The following PAPPA variants were observed in gnomAD, a reference collection of about 807,000 sequenced individuals.
The protein encoded by PAPPA is pappalysin 1.
PAPPA carries 60 observed loss-of-function variants against 164.0 expected under a neutral mutation model. That is an observed-to-expected ratio of 0.37 (90% confidence interval 0.30 to 0.45). The LOEUF (loss-of-function observed/expected upper bound fraction) is 0.45. Among genes scored for constraint, PAPPA ranks in the 20% least tolerant of loss-of-function variants. The probability of loss-of-function intolerance (pLI) is 1.00; values close to 1 mark genes in which losing one functional copy is unlikely to be tolerated. For missense variants in PAPPA, 1,782 were observed against 2,087.3 expected, an observed-to-expected ratio of 0.85 and a Z score of 2.85; for synonymous variants, 875 against 814.1, an observed-to-expected ratio of 1.07 and a Z score of -1.27.
chr9:116,390,738 G>C (rs1005146646), intron 21 of PAPPA, among the ~76,000 whole-genome samples: 5 of 151,836 alleles, frequency 3.3e-5, no homozygotes, highest in Non-Finnish European at 7.4e-5. Flanking sequence ...TTTTCCTTAT[G>C]GATGAAGTAG....
At chr9:116,203,799 T>A (rs1385128200) in intron 2 of PAPPA, among the ~76,000 whole-genome samples, 2 of 152,116 alleles carry the variant, frequency 1.3e-5, no homozygotes, top group African/African-American at 2.4e-5. Context: ...TAAGCTGGAC[T>A]TTGCAGGGTT....
At chr9:116,266,052 T>C in intron 8 of PAPPA, 67 bp downstream of exon 8, 1 of 1,403,896 alleles carries the variant, frequency 7.1e-7, no homozygotes, top group Non-Finnish European at 9.8e-7. Flanking sequence ...GTTAGGGTGC[T>C]GAACAGAAGA....
intron 9 of PAPPA, among the ~76,000 whole-genome samples, chr9:116,299,128 AGC>A (rs1845547400): frequency 6.6e-6 from 1 of 152,198 alleles, no homozygotes. Flanking sequence ...GGACACTAAT[AGC>A]AACAGAAACT....
chr9:116,230,566 C>T (rs120623), intron 6 of PAPPA, among the ~76,000 whole-genome samples: 2 of 152,178 alleles, frequency 1.3e-5, no homozygotes, highest in African/African-American at 4.8e-5. Context: ...CTTTCTAGCT[C>T]TAATATTGCA....
intron 9 of PAPPA, among the ~76,000 whole-genome samples, chr9:116,295,767 A>T (rs1845498565): frequency 6.6e-6 from 1 of 152,142 alleles, no homozygotes; most frequent in Non-Finnish European, 1.5e-5. Context: ...TTACATGCTC[A>T]AACTATTTAT....
At chr9:116,346,163 G>A (rs1423595520) in intron 14 of PAPPA, among the ~76,000 whole-genome samples, 1 of 152,112 alleles carries the variant, frequency 6.6e-6, no homozygotes, top group Non-Finnish European at 1.5e-5. Flanking sequence ...CCAGATCAAC[G>A]TTTGGCATCT....
At chr9:116,300,835 C>T (rs1298462019) in intron 9 of PAPPA, among the ~76,000 whole-genome samples, 1 of 122,558 alleles carries the variant, frequency 8.2e-6, no homozygotes, top group Non-Finnish European at 1.9e-5. Flanking sequence ...AGCAAATCAA[C>T]CCATTAAAAG....
intron 10 of PAPPA, among the ~76,000 whole-genome samples, chr9:116,308,054 C>G (rs189877945): frequency 1.6e-3 from 239 of 152,332 alleles, no homozygotes; most frequent in Non-Finnish European, 2.6e-3. Flanking sequence ...GGGACCCACA[C>G]AGAACAGAAG....
At position 116,400,686 on chromosome 9, in the gene PAPPA, A is replaced by G. The variant is rs1239309734; in HGVS notation, c.*4070A>G. 1.3e-5 allele frequency: 2 copies of G among 152,338 alleles called. No homozygotes were observed. Among genetic ancestry groups the G allele is most frequent in the Non-Finnish European group, 2.9e-5 (2 of 68,034 alleles). 9.4% of individuals were successfully genotyped at this position (152,338 alleles called of 1,614,324 possible). Reference sequence around the variant, plus strand: ...ACAAATCAAACGAAGTAAACAAGAAACATAAAAACCAAATAGCAAATGAAT... The same window carrying G: ...ACAAATCAAACGAAGTAAACAAGAAGCATAAAAACCAAATAGCAAATGAAT... On this transcript the variant is annotated 3_prime_UTR_variant, in exon 22 of 22. Coordinates refer to ENST00000328252, the MANE Select transcript of PAPPA (RefSeq NM_002581.5).
chr9:116,287,313 A>G (rs1227007765), intron 9 of PAPPA: 1 of 152,204 alleles, frequency 6.6e-6, no homozygotes, highest in Non-Finnish European at 1.5e-5. Flanking sequence ...AGGAAGACCT[A>G]GTGAGGGTCC....
At chr9:116,157,926 G>A (rs1476334671) in intron 1 of PAPPA, among the ~76,000 whole-genome samples, 2 of 151,832 alleles carry the variant, frequency 1.3e-5, no homozygotes, top group East Asian at 3.9e-4. Context: ...TGAAAGAAAA[G>A]GAAAACAAAA....
intron 15 of PAPPA, among the ~76,000 whole-genome samples, chr9:116,348,552 A>AT (rs1247525649): frequency 6.6e-6 from 1 of 152,000 alleles, no homozygotes; most frequent in Non-Finnish European, 1.5e-5. Flanking sequence ...ATATAGGTAA[A>AT]TTTGTGTCAT....
chr9:116,192,392 G>T (rs767073860), intron 2 of PAPPA, among the ~76,000 whole-genome samples: 1 of 152,208 alleles, frequency 6.6e-6, no homozygotes, highest in Non-Finnish European at 1.5e-5. Flanking sequence ...CATGAGCAGA[G>T]AAAAGTTCAG....
chr9:116,335,179 A>C, intron 13 of PAPPA, 105 bp downstream of exon 13: 2 of 915,124 alleles, frequency 2.2e-6, no homozygotes, highest in South Asian at 3.0e-5. Flanking sequence ...AAGTCTGTGC[A>C]TTTCTCCCTT....
At chr9:116,296,784 T>C (rs1845514309) in intron 9 of PAPPA, among the ~76,000 whole-genome samples, 1 of 152,110 alleles carries the variant, frequency 6.6e-6, no homozygotes, top group Non-Finnish European at 1.5e-5. Flanking sequence ...GGAATGTGCA[T>C]GAAGAGGACA....
chr9:116,187,762 A>T lies in PAPPA; in HGVS notation c.1024A>T (p.Asn342Tyr). 1 of 1,614,246 alleles carries T rather than the reference A, an allele frequency of 6.2e-7. No homozygotes were observed. The highest frequency in any genetic ancestry group is 2.2e-5 in the East Asian group (1 of 44,880). ...CAACACAGAGGTCATTGCCAGCTAC[A>T]ATCAGCTCTCAAGTTTCCGCCAGCC... ...CDNTEVIASY[N>Y]QLSSFRQPKV... The change falls in exon 2 of 22, where the codon AAT becomes TAT. Residue 342 changes from asparagine (N) to tyrosine (Y), a missense_variant. Transcript: ENST00000328252. This position sits in a 1 kb window ranked among gnomAD's most constrained non-coding sequence, Gnocchi z 4.2.
At chr9:116,302,691 A>G (rs1180632155) in intron 9 of PAPPA, 66 bp from the exon 10 acceptor site, 4 of 1,355,638 alleles carry the variant, frequency 3.0e-6, no homozygotes, top group Non-Finnish European at 3.1e-6. Flanking sequence ...GCAGCTGCTG[A>G]TGATTGCTGA....
intron 13 of PAPPA, 129 bp downstream of exon 13, chr9:116,335,203 C>T (rs575540287): frequency 4.1e-6 from 3 of 737,574 alleles, no homozygotes; most frequent in African/African-American, 1.8e-5. Context: ...CATCCATCCT[C>T]TGGCCTCTGG....
At chr9:116,337,002 C>T (rs950358071) in intron 13 of PAPPA, among the ~76,000 whole-genome samples, 1 of 152,170 alleles carries the variant, frequency 6.6e-6, no homozygotes, top group Non-Finnish European at 1.5e-5. Context: ...TTTATTATTG[C>T]ACCTCTTCTG....
Sources: gnomAD v4.1 joint callset for allele counts (sites outside exome capture counted in the v4.1 genomes callset) on GRCh38, gnomAD v4.1.1 for gene constraint, Gnocchi (gnomAD v3.1) non-coding constraint, MANE v1.5 for transcripts, NCBI Gene and HGNC (gene_info 2026-07-23, HGNC 2026-07-21) for gene names.